PIP5K1A: variants seen among roughly 807,000 people sequenced by gnomAD.
PIP5K1A encodes the protein phosphatidylinositol 4-phosphate 5-kinase type-1 alpha.
In PIP5K1A, 46 loss-of-function variants were observed where a neutral mutation model predicts 72.9. That is an observed-to-expected ratio of 0.63 (90% CI 0.50 to 0.81). The LOEUF is 0.81. Among genes scored for constraint, PIP5K1A ranks in the 30% least tolerant of loss-of-function variants. The pLI is 0.00. For missense variants in PIP5K1A, 458 were observed against 706.1 expected (o/e 0.65, Z 3.98); for synonymous variants, 228 against 255.1 (o/e 0.89, Z 1.01).
At chr1:151,200,675 TTTTA>T (rs1238264757) in intron 1 of PIP5K1A, among the ~76,000 whole-genome samples, 3 of 152,180 alleles carry the variant, frequency 2.0e-5, no homozygotes, top group Non-Finnish European at 4.4e-5. Context: ...TAAGCTGCAG[TTTTA>T]TTTATTTTTA....
At chr1:151,198,222 C>G (rs1684722879), upstream of PIP5K1A, 2 of 400,418 alleles carry the variant, frequency 5.0e-6, no homozygotes, top group African/African-American at 4.2e-5. Context: ...TGATATTCGA[C>G]ACCTTAACGT....
Position 151,224,393 on chromosome 1 carries a change from C to T in PIP5K1A, c.143C>T (p.Ser48Phe), listed in dbSNP as rs1336049208. 6.2e-7 allele frequency: 1 copy of T among 1,601,928 alleles called. No individual in the cohort carries two copies. The highest frequency in any genetic ancestry group is 1.3e-5 in the African/African-American group (1 of 74,642). Reference sequence around the variant, plus strand: ...TAGGTCTTGGAAGCTAGACAGGATTCTTACATCTCATTGGTAGGCTAGAAA... The same window carrying T: ...TAGGTCTTGGAAGCTAGACAGGATTTTTACATCTCATTGGTAGGCTAGAAA... ...ASEVLEARQD[S>F]YISLVPYASG... Residue 48 changes from serine (S) to phenylalanine (F), a missense_variant, in exon 3 of 16, where the codon TCT (serine) becomes TTT (phenylalanine). Coordinates refer to ENST00000368888, the MANE Select transcript of PIP5K1A (RefSeq NM_001135638.2).
chr1:151,242,429 T>A lies in PIP5K1A; in HGVS notation c.1511-9T>A, dbSNP rs765977551. ...TTACTGTACCCCATCTTCTCTATCTTTTTTCCAGGCGTTCACCTTGGTCGT... is the reference window on the plus strand; with the variant it reads ...TTACTGTACCCCATCTTCTCTATCTATTTTCCAGGCGTTCACCTTGGTCGT... On this transcript the variant is annotated splice_polypyrimidine_tract_variant and intron_variant, in intron 13 of 15. Coordinates refer to ENST00000368888, the MANE Select transcript of PIP5K1A (RefSeq NM_001135638.2). 8.1e-6 allele frequency: 13 copies of A among 1,613,906 alleles called. No homozygotes were observed. The highest frequency in any genetic ancestry group is 1.1e-5 in the Non-Finnish European group (13 of 1,179,980).
At chr1:151,236,890 C>T (rs1156231199) in intron 9 of PIP5K1A, 127 bp downstream of exon 9, 5 of 660,642 alleles carry the variant, frequency 7.6e-6, no homozygotes, top group Non-Finnish European at 7.5e-6. Context: ...TGCAATGGCA[C>T]GATCTCAGCC....
chr1:151,241,588 G>T (rs1328282605), intron 12 of PIP5K1A, among the ~76,000 whole-genome samples: 1 of 152,062 alleles, frequency 6.6e-6, no homozygotes, highest in Non-Finnish European at 1.5e-5. Context: ...ACCACCTGAG[G>T]TCAAGAGTTC....
chr1:151,247,090 T>A (rs1011511733), intron 15 of PIP5K1A, 125 bp downstream of exon 15: 11 of 427,212 alleles, frequency 2.6e-5, no homozygotes, highest in Admixed American at 4.3e-5. Context: ...TCTTGTTTTT[T>A]ATTTTTTATT....
At chr1:151,198,126 T>G (rs931793364), upstream of PIP5K1A, 12 of 469,830 alleles carry the variant, frequency 2.6e-5, no homozygotes, top group Non-Finnish European at 4.9e-5. Context: ...AGGTAAGACA[T>G]GCACGCACGT....
intron 1 of PIP5K1A, among the ~76,000 whole-genome samples, chr1:151,215,156 G>A (rs932198136): frequency 2.0e-5 from 3 of 150,050 alleles, no homozygotes; most frequent in Non-Finnish European, 3.0e-5. Flanking sequence ...TCAGCCTCCC[G>A]AGTAGCTGGG....
upstream of PIP5K1A, chr1:151,198,148 G>A (rs1684719226): frequency 2.1e-6 from 1 of 466,574 alleles, no homozygotes; most frequent in South Asian, 1.6e-5. Context: ...TAATCAAATA[G>A]TAAACAAGAG....
At chr1:151,205,214 A>G (rs1275110553) in intron 1 of PIP5K1A, among the ~76,000 whole-genome samples, 1 of 152,032 alleles carries the variant, frequency 6.6e-6, no homozygotes, top group Non-Finnish European at 1.5e-5. Context: ...CGCCCAGGCT[A>G]CAGACCAGTG....
At chr1:151,220,122 C>T (rs996601336) in intron 1 of PIP5K1A, among the ~76,000 whole-genome samples, 4 of 151,972 alleles carry the variant, frequency 2.6e-5, no homozygotes, top group Non-Finnish European at 4.4e-5. Flanking sequence ...TCTCCTGCCT[C>T]AGTCTCCCGA....
chr1:151,231,519 G>C, intron 4 of PIP5K1A, 152 bp from the exon 5 acceptor site: 1 of 656,430 alleles, frequency 1.5e-6, no homozygotes. Context: ...ATAGGGATGG[G>C]GAAACTGGAT....
chr1:151,211,176 C>G (rs139081212), intron 1 of PIP5K1A, among the ~76,000 whole-genome samples: 8 of 152,304 alleles, frequency 5.3e-5, no homozygotes, highest in African/African-American at 1.9e-4. Context: ...GTTCCACACA[C>G]TAGAGTGAGG....
At chr1:151,231,551 A>G (rs1570939277) in intron 4 of PIP5K1A, 120 bp from the exon 5 acceptor site, 1 of 824,384 alleles carries the variant, frequency 1.2e-6, no homozygotes, top group East Asian at 2.6e-5. Flanking sequence ...TATCTGAACT[A>G]TTGCTCAGAC....
At chr1:151,217,987 G>T (rs587647284) in intron 1 of PIP5K1A, among the ~76,000 whole-genome samples, 1 of 152,256 alleles carries the variant, frequency 6.6e-6, no homozygotes, top group East Asian at 1.9e-4. Flanking sequence ...TGTTGGCCAG[G>T]CTGGTCTTGA....
chr1:151,232,111 GA>G, intron 5 of PIP5K1A, 136 bp from the exon 6 acceptor site: 1 of 701,806 alleles, frequency 1.4e-6, no homozygotes, highest in Non-Finnish European at 2.5e-6. Flanking sequence ...ACTCATCTAA[GA>G]AGGGCTGTGA....
chr1:151,216,461 C>T (rs1478668571), intron 1 of PIP5K1A, among the ~76,000 whole-genome samples: 1 of 151,996 alleles, frequency 6.6e-6, no homozygotes, highest in Non-Finnish European at 1.5e-5. Flanking sequence ...TCCCATATCT[C>T]ACTGCCCTCT....
intron 1 of PIP5K1A, among the ~76,000 whole-genome samples, chr1:151,222,372 G>C (rs1050458810): frequency 6.6e-6 from 1 of 152,210 alleles, no homozygotes; most frequent in African/African-American, 2.4e-5. Flanking sequence ...TCCATGGAGC[G>C]ACATCGTCTC....
At chr1:151,216,900 GTTTTTTTTTTTTTTTTTTTT>G (rs78155966) in intron 1 of PIP5K1A, among the ~76,000 whole-genome samples, 11 of 136,784 alleles carry the variant, frequency 8.0e-5, no homozygotes, top group South Asian at 2.5e-4. Flanking sequence ...CTTAGTAAAT[GTTTTTTTTTTTTTTTTTTTT>G]TTTTTTTTTT....
Sources: gnomAD v4.1 joint callset for allele counts (sites outside exome capture counted in the v4.1 genomes callset) on GRCh38, gnomAD v4.1.1 for gene constraint, MANE v1.5 for transcripts, NCBI Gene and HGNC (gene_info 2026-07-23, HGNC 2026-07-21) for gene names.